The following RGS8 variants were observed in gnomAD, a reference collection of about 807,000 sequenced individuals.
RGS8 encodes regulator of G-protein signaling 8.
Under a neutral mutation model 21.7 loss-of-function variants are expected in RGS8, and 8 were observed. That is an observed-to-expected ratio of 0.37 (90% CI 0.22 to 0.66). The LOEUF is 0.66. RGS8 is among the 30% of genes least tolerant of loss of function. The probability of loss-of-function intolerance (pLI) is 0.59; values close to 1 mark genes in which losing one functional copy is unlikely to be tolerated. For synonymous variants in RGS8, 80 were observed against 83.6 expected (o/e 0.96, Z 0.24); for missense variants, 157 against 217.9 (o/e 0.72, Z 1.76).
At chr1:182,737,956 T>G in the RGS8 span, among the ~76,000 whole-genome samples, 4 of 152,328 alleles carry the variant, frequency 2.6e-5, no homozygotes, top group Non-Finnish European at 5.9e-5. Flanking sequence ...AAGCCCTGAT[T>G]GCAGCCTTGT....
chr1:182,675,108 A>G (rs1187440009), upstream of RGS8, among the ~76,000 whole-genome samples: 2 of 152,032 alleles, frequency 1.3e-5, no homozygotes, highest in Non-Finnish European at 2.9e-5. Flanking sequence ...CCTGCATGCT[A>G]TACTGTCTCT....
the RGS8 span, among the ~76,000 whole-genome samples, chr1:182,730,953 G>T: frequency 6.6e-6 from 1 of 152,096 alleles, no homozygotes; most frequent in Non-Finnish European, 1.5e-5. Flanking sequence ...GAAAATCACT[G>T]CATGGCACTG....
chr1:182,677,102 AGACT>A (rs1664389873), upstream of RGS8, among the ~76,000 whole-genome samples: 1 of 152,240 alleles, frequency 6.6e-6, no homozygotes, highest in Admixed American at 6.5e-5. Context: ...AGTGGAGATT[AGACT>A]GACTGGAAAA....
intron 5 of RGS8, among the ~76,000 whole-genome samples, chr1:182,661,717 G>C (rs977452876): frequency 1.3e-5 from 2 of 152,078 alleles, no homozygotes; most frequent in African/African-American, 4.8e-5. Context: ...GTTTCCCAGA[G>C]ACCTGTCAGA....
At chr1:182,661,663 G>C (rs907705535) in intron 5 of RGS8, among the ~76,000 whole-genome samples, 2 of 152,186 alleles carry the variant, frequency 1.3e-5, no homozygotes, top group Admixed American at 1.3e-4. Flanking sequence ...AAGTTTGCAT[G>C]AATCTTGTGA....
intron 5 of RGS8, among the ~76,000 whole-genome samples, chr1:182,654,023 C>T (rs954157588): frequency 8.5e-5 from 13 of 152,166 alleles, no homozygotes; most frequent in South Asian, 4.2e-4. Context: ...TACTATACAC[C>T]GTGCTTTTTG....
the RGS8 span, among the ~76,000 whole-genome samples, chr1:182,718,234 G>T: frequency 2.6e-5 from 4 of 152,300 alleles, no homozygotes; most frequent in South Asian, 8.3e-4. Context: ...GGCAAGCCAG[G>T]CTCTGTGTCC....
At chr1:182,659,638 G>T (rs1436413455) in intron 5 of RGS8, among the ~76,000 whole-genome samples, 3 of 152,182 alleles carry the variant, frequency 2.0e-5, no homozygotes, top group Admixed American at 6.5e-5. Context: ...GGCAAAGGTT[G>T]CAGTGAGCCA....
chr1:182,694,887 C>T, the RGS8 span, among the ~76,000 whole-genome samples: 1 of 151,044 alleles, frequency 6.6e-6, no homozygotes, highest in Non-Finnish European at 1.5e-5. Context: ...AAGTATGAAA[C>T]ACATAATTGC....
chr1:182,725,610 G>T, the RGS8 span, among the ~76,000 whole-genome samples: 31 of 152,336 alleles, frequency 2.0e-4, no homozygotes, highest in African/African-American at 7.2e-4. Flanking sequence ...GTGCTGGGTA[G>T]TCCCTGAATC....
chr1:182,666,538 G>C (rs1663869348), intron 4 of RGS8, among the ~76,000 whole-genome samples: 1 of 151,926 alleles, frequency 6.6e-6, no homozygotes, highest in Non-Finnish European at 1.5e-5. Flanking sequence ...CATATTTTTA[G>C]AGTAAATTTG....
the RGS8 span, among the ~76,000 whole-genome samples, chr1:182,709,120 GGTTTTT>G: frequency 6.6e-6 from 1 of 152,020 alleles, no homozygotes; most frequent in African/African-American, 2.4e-5. Flanking sequence ...TGTATGTGTG[GGTTTTT>G]GTTTTTGTTT....
At chr1:182,646,742 A>C in exon 7 of RGS8, 1 of 1,611,890 alleles carries the variant, frequency 6.2e-7, no homozygotes. Flanking sequence ...GGTCTAACTG[A>C]GCCTCCTCTG....
intron 3 of RGS8, among the ~76,000 whole-genome samples, chr1:182,667,716 A>T (rs1348968204): frequency 6.6e-6 from 1 of 152,206 alleles, no homozygotes; most frequent in Non-Finnish European, 1.5e-5. Context: ...TATTTTCCAA[A>T]GGACCTATAT....
At chr1:182,733,706 T>C in the RGS8 span, 1 of 151,958 alleles carries the variant, frequency 6.6e-6, no homozygotes, top group Non-Finnish European at 1.5e-5. Context: ...AGGAGAGTAA[T>C]GAAAGGAGAC....
chr1:182,669,805 A>C, intron 2 of RGS8, 53 bp from the exon 4 acceptor site: 1 of 1,480,780 alleles, frequency 6.8e-7, no homozygotes. Context: ...ATCTGACTGC[A>C]CTACATTTCC....
the RGS8 span, among the ~76,000 whole-genome samples, chr1:182,720,878 T>C: frequency 1.5e-5 from 2 of 137,748 alleles, no homozygotes; most frequent in Non-Finnish European, 3.1e-5. Flanking sequence ...TACACATATA[T>C]GTATATATAT....
chr1:182,662,995 C>G (rs1663672768), intron 5 of RGS8, among the ~76,000 whole-genome samples: 1 of 151,976 alleles, frequency 6.6e-6, no homozygotes, highest in South Asian at 2.1e-4. Context: ...AAATAGAAAT[C>G]TTAAGGGGGA....
the RGS8 span, among the ~76,000 whole-genome samples, chr1:182,720,870 CACATATATGTATATATAT>C: frequency 6.9e-6 from 1 of 144,022 alleles, no homozygotes; most frequent in African/African-American, 2.5e-5. Context: ...TACATATATA[CACATATATGTATATATAT>C]ACACATATAT....
Sources: gnomAD v4.1 joint callset for allele counts (sites outside exome capture counted in the v4.1 genomes callset) on GRCh38, gnomAD v4.1.1 for gene constraint, MANE v1.5 for transcripts, NCBI Gene and HGNC (gene_info 2026-07-23, HGNC 2026-07-21) for gene names.